Variants in GPANK1 observed in about 807,000 individuals in gnomAD.
The protein encoded by GPANK1 is G-patch domain and ankyrin repeats 1, also known as G patch domain and ankyrin repeat-containing protein 1.
A neutral mutation model predicts 24.0 loss-of-function variants in GPANK1; 22 were observed. The ratio of observed to expected loss-of-function variants is 0.92; its 90% CI spans 0.66 to 1.31. GPANK1 has a LOEUF of 1.31. Ranked by LOEUF, GPANK1 falls within the 50% of genes most tolerant of loss-of-function variation. The probability of loss-of-function intolerance (pLI) is 0.00; values close to 1 mark genes in which losing one functional copy is unlikely to be tolerated. For synonymous variants in GPANK1, 174 were observed against 177.4 expected, an observed-to-expected ratio of 0.98 and a Z score of 0.15; for missense variants, 469 against 453.5, an observed-to-expected ratio of 1.03 and a Z score of -0.31.
In GPANK1 at chr6:31,664,237, G is replaced by A. The variant is rs1362677087; in HGVS notation, c.242C>T (p.Ala81Val). 4 of 1,613,590 alleles carry A rather than the reference G, an allele frequency of 2.5e-6. No homozygotes were observed. The African/African-American group carries it at 5.3e-5, about 22-fold the overall frequency. The change falls in exon 2 of 3, where the codon GCA becomes GTA. Residue 81 changes from alanine to valine, a missense_variant. Coordinates refer to ENST00000375896, the MANE Select transcript of GPANK1 (RefSeq NM_033177.4). ...TGATGCTCCTTCTGCCACTGCTTCT[G>A]CTGCTGGTGCCTTCATTATTCTTCT... ...KKRRIMKAPA[A>V]EAVAEGASGR...
At chr6:31,665,679 G>C (rs1490914137), upstream of GPANK1, 1 of 819,554 alleles carries the variant, frequency 1.2e-6, no homozygotes, top group Non-Finnish European at 1.9e-6. Context: ...GGACCCAGCG[G>C]ATTGGCCGAG....
chr6:31,666,251 G>A (rs1801682644), upstream of GPANK1: 1 of 945,434 alleles, frequency 1.1e-6, no homozygotes, highest in Non-Finnish European at 1.3e-6. Context: ...TTGTCGCTGG[G>A]AGCGGCACAT....
At position 31,664,520 on chromosome 6, in the gene GPANK1, G is replaced by T; in HGVS notation, c.-42C>A. ...GAGAAAATGATACCAGGCAAGGGAA[G>T]GATGAGACAAGTAAGCCAAGCTCGT... On this transcript the variant is annotated 5_prime_UTR_variant, in exon 2 of 3. Transcript: ENST00000375896. 1 of 1,511,942 alleles carries T rather than the reference G, an allele frequency of 6.6e-7. No individual in the cohort carries two copies. The highest frequency in any genetic ancestry group is 9.1e-7 in the Non-Finnish European group (1 of 1,103,498). The allele number at this position is 1,511,942 out of a possible 1,614,324, so 93.7% of individuals were successfully genotyped here. A position where few individuals can be genotyped will look rare whatever the true frequency, so the allele number is the denominator to read the frequency against.
Position 31,664,549 on chromosome 6 carries a change from G to A in GPANK1, c.-71C>T. On this transcript the variant is annotated 5_prime_UTR_variant, in exon 2 of 3. Coordinates refer to ENST00000375896, the MANE Select transcript of GPANK1 (RefSeq NM_033177.4). ...GAGACAAGTAAGCCAAGCTCGTGGT[G>A]ACCCTGTAGCAACCACAGCCTCAGA... 2.4e-6 allele frequency: 3 copies of A among 1,257,342 alleles called. No homozygotes were observed. The highest frequency in any genetic ancestry group is 3.4e-6 in the Non-Finnish European group (3 of 888,128). 77.9% of individuals were successfully genotyped at this position (1,257,342 alleles called of 1,614,324 possible).
Position 31,664,541 on chromosome 6 carries a change from C to A in GPANK1, c.-63G>T. 1 of 1,348,294 alleles carries A rather than the reference C, an allele frequency of 7.4e-7. No individual in the cohort carries two copies. Among genetic ancestry groups the A allele is most frequent in the Non-Finnish European group, 1.0e-6 (1 of 965,410 alleles). The allele number at this position is 1,348,294 out of a possible 1,614,324, so 83.5% of individuals were successfully genotyped here. On this transcript the variant is annotated 5_prime_UTR_variant, in exon 2 of 3. Transcript: ENST00000375896. ...GGAAGGATGAGACAAGTAAGCCAAG[C>A]TCGTGGTGACCCTGTAGCAACCACA...
chr6:31,664,336 A>T lies in GPANK1; in HGVS notation c.143T>A (p.Ile48Asn). 1 of 1,614,112 alleles carries T rather than the reference A, an allele frequency of 6.2e-7. No homozygotes were observed. The highest frequency in any genetic ancestry group is 8.5e-7 in the Non-Finnish European group (1 of 1,180,018). ...GTCAGGAGCGCTGCTCTCATCCCCAATCAGGGCCTCATAGAAAGCTCGGGC... is the reference window on the plus strand; with the variant it reads ...GTCAGGAGCGCTGCTCTCATCCCCATTCAGGGCCTCATAGAAAGCTCGGGC... ...AAARAFYEAL[I>N]GDESSAPDSQ... The change falls in exon 2 of 3, where the codon ATT (isoleucine) becomes AAT (asparagine). Residue 48 changes from isoleucine to asparagine, a missense_variant. By Grantham distance (149) the Ile-to-Asn change is moderately radical. Coordinates refer to ENST00000375896, the MANE Select transcript of GPANK1 (RefSeq NM_033177.4).
Position 31,661,268 on chromosome 6 carries a change from A to G in GPANK1, c.*998T>C, listed in dbSNP as rs1315413850. ...AGTTTAAAGTTTAGATTTGGGGGCT[A>G]GAGTTCTGGTCCCAGTTCAACTAAG... is the stretch of plus-strand genomic sequence containing the variant. On this transcript the variant is annotated 3_prime_UTR_variant, in exon 3 of 3. Transcript: ENST00000375896. 1 of 152,222 alleles carries G rather than the reference A, an allele frequency of 6.6e-6. No individual in the cohort carries two copies. The highest frequency in any genetic ancestry group is 1.5e-5 in the Non-Finnish European group (1 of 68,052). 9.4% of individuals were successfully genotyped at this position (152,222 alleles called of 1,614,324 possible).
chr6:31,665,694 G>T, upstream of GPANK1: 3 of 803,722 alleles, frequency 3.7e-6, no homozygotes, highest in Non-Finnish European at 5.9e-6. Context: ...GCCGAGGATA[G>T]GCCAGTCCCC....
chr6:31,665,500 G>C, upstream of GPANK1: 1 of 1,560,640 alleles, frequency 6.4e-7, no homozygotes, highest in African/African-American at 1.4e-5. Context: ...TCAGGTTAGC[G>C]CACTGGGACG....
rs1800919955 is a variant in GPANK1, at chr6:31,661,996, A to C, written c.*270T>G. The C allele has an allele frequency of 2.6e-6, 1 of 383,412 alleles. No homozygotes were observed. The highest frequency in any genetic ancestry group is 4.6e-6 in the Non-Finnish European group (1 of 216,234). The allele number at this position is 383,412 out of a possible 1,614,324, so 23.8% of individuals were successfully genotyped here. A position where few individuals can be genotyped will look rare whatever the true frequency, so the allele number is the denominator to read the frequency against. ...GAGGTGACCTTATCATGCCACCTGG[A>C]GAGGCTGCCCCTTCTGACTCAGGTG... On this transcript the variant is annotated 3_prime_UTR_variant, in exon 3 of 3. Transcript: ENST00000375896.
Position 31,663,857 on chromosome 6 carries a change from T to C in GPANK1, c.622A>G (p.Asn208Asp), listed in dbSNP as rs1381446466. The change falls in exon 2 of 3, where the codon AAC (asparagine) becomes GAC (aspartate). Residue 208 changes from asparagine to aspartate, a missense_variant. Transcript: ENST00000375896. ...TGAGCTAAAGTTTCCCCTTACCGGT[T>C]TTCCGGGCTCCTTGTCTCTCCATGG... is the stretch of plus-strand genomic sequence containing the variant. ...ESHGETRSPE[N>D]RSPTPSLQYC... The C allele has an allele frequency of 1.3e-6, 2 of 1,548,726 alleles. No homozygotes were observed. Among genetic ancestry groups the C allele is most frequent in the Admixed American group, 4.1e-5 (2 of 48,982 alleles).
At chr6:31,665,788 G>A (rs192460710), upstream of GPANK1, 1 of 1,129,254 alleles carries the variant, frequency 8.9e-7, no homozygotes, top group Non-Finnish European at 1.2e-6. Flanking sequence ...TCCTTTCCCC[G>A]CCCTAAGTCA....
upstream of GPANK1, chr6:31,666,063 T>G: frequency 1.0e-6 from 1 of 993,068 alleles, no homozygotes; most frequent in Non-Finnish European, 1.2e-6. Context: ...CGTGTTGCCC[T>G]CTTCCCCACC....
rs3130618 is a variant in GPANK1, at chr6:31,664,357, C to A, written c.122G>T (p.Arg41Leu). 283,096 of 1,613,854 alleles carry A rather than the reference C, an allele frequency of 0.18. 26,676 individuals carry two copies. Among genetic ancestry groups the A allele is most frequent in the African/African-American group, 0.2 (14,908 of 74,968 alleles). ...PESTLDGAAARAFYEALIGDE... is the reference protein window; with the variant it reads ...PESTLDGAAALAFYEALIGDE... ...CCCAATCAGGGCCTCATAGAAAGCTCGGGCTGCAGCCCCATCCAGGGTGGA... is the reference window on the plus strand; with the variant it reads ...CCCAATCAGGGCCTCATAGAAAGCTAGGGCTGCAGCCCCATCCAGGGTGGA... The change falls in exon 2 of 3, where the codon CGA becomes CTA. Residue 41 changes from arginine to leucine, a missense_variant. Physicochemically the swap from Arg to Leu is moderately radical, Grantham distance 102 (BLOSUM62 -2). Coordinates refer to ENST00000375896, the MANE Select transcript of GPANK1 (RefSeq NM_033177.4).
chr6:31,665,654 C>A, upstream of GPANK1: 2 of 871,336 alleles, frequency 2.3e-6, no homozygotes, highest in South Asian at 1.5e-5. Flanking sequence ...GCACTAGGGG[C>A]CCAACAGGCA....
At chr6:31,665,592 G>A, upstream of GPANK1, 1 of 1,150,696 alleles carries the variant, frequency 8.7e-7, no homozygotes, top group Non-Finnish European at 1.2e-6. Flanking sequence ...TCATGAGGCA[G>A]GAGCCCGGAG....
Position 31,662,536 on chromosome 6 carries a change from G to GC in GPANK1, c.800dup (p.Trp268LeufsTer12), listed in dbSNP as rs765697080. ...GTCCCAGCCCCATTCCTGGCTCCCA[G>GC]CCCCCCCTCAGCAGCAGTTTGAAGC... On this transcript the variant is annotated frameshift_variant, in exon 3 of 3. Transcript: ENST00000375896. LOFTEE classifies it high-confidence loss of function. This position sits in a 1 kb window ranked among gnomAD's most constrained non-coding sequence, Gnocchi z 5.5. The GC allele has an allele frequency of 2.5e-6, 4 of 1,612,696 alleles. No homozygotes were observed. The highest frequency in any genetic ancestry group is 3.4e-6 in the Non-Finnish European group (4 of 1,179,902).
In GPANK1 at chr6:31,664,411, T is replaced by C. The variant is rs1554167883; in HGVS notation, c.68A>G (p.Gln23Arg). The C allele has an allele frequency of 6.2e-7, 1 of 1,614,162 alleles. No individual in the cohort carries two copies. Among genetic ancestry groups the C allele is most frequent in the Non-Finnish European group, 8.5e-7 (1 of 1,180,008 alleles). Residue 23 changes from glutamine (Q) to arginine (R), a missense_variant, in exon 2 of 3, where the codon CAG becomes CGG. By Grantham distance (43) the Gln-to-Arg change is conservative (BLOSUM62 1). Coordinates refer to ENST00000375896, the MANE Select transcript of GPANK1 (RefSeq NM_033177.4). ...TDPSDLWKDG[Q>R]QQPQPEKPES... ...TGGCTTCTCGGGCTGTGGCTGCTGC[T>C]GCCCATCCTTCCAGAGGTCGCTGGG... is the stretch of plus-strand genomic sequence containing the variant.
At chr6:31,663,470 C>T (rs1210139927) in intron 2 of GPANK1, 4 of 204,692 alleles carry the variant, frequency 2.0e-5, no homozygotes, top group Non-Finnish European at 3.9e-5. Context: ...GGTAACCAGA[C>T]CTAGCAAACT....
Sources: allele counts gnomAD v4.1 joint callset, GRCh38; gene constraint gnomAD v4.1.1; non-coding constraint Gnocchi (gnomAD v3.1); transcripts MANE v1.5; gene names NCBI Gene and HGNC (gene_info 2026-07-23, HGNC 2026-07-21).